The following LRFN4 variants were observed in gnomAD, a reference collection of about 807,000 sequenced individuals.
The protein encoded by LRFN4 is leucine-rich repeat and fibronectin type-III domain-containing protein 4.
In LRFN4, 10 loss-of-function variants were observed where a neutral mutation model predicts 29.0. The ratio of observed to expected loss-of-function variants is 0.35; its 90% CI spans 0.21 to 0.59. LRFN4 has a LOEUF of 0.59. Among genes scored for constraint, LRFN4 ranks in the 20% least tolerant of loss-of-function variants. The pLI is 0.82. For missense variants in LRFN4, 850 were observed against 907.9 expected (o/e 0.94, Z 0.82); for synonymous variants, 493 against 437.0 (o/e 1.13, Z -1.60).
chr11:66,858,678 A>C lies in LRFN4; in HGVS notation c.934A>C (p.Met312Leu), dbSNP rs1389420068. The C allele has an allele frequency of 1.3e-6, 2 of 1,546,542 alleles. No individual in the cohort carries two copies. Among genetic ancestry groups the C allele is most frequent in the African/African-American group, 2.7e-5 (2 of 73,208 alleles). Residue 312 changes from methionine to leucine, a missense_variant, in exon 1 of 2, where the codon ATG (methionine) becomes CTG (leucine). Physicochemically the swap from Met to Leu is conservative, Grantham distance 15. This residue lies in a region of LRFN4 where 744 missense variants were observed against 753.8 expected (regional missense o/e 0.99). Coordinates refer to ENST00000309602, the MANE Select transcript of LRFN4 (RefSeq NM_024036.5). This position sits in a 1 kb window ranked among gnomAD's most constrained non-coding sequence, Gnocchi z 5.9. ...CRALGDPAPT[M>L]HWVGPDDRLV... Reference sequence around the variant, plus strand: ...GGCCCTGGGTGACCCCGCGCCTACCATGCACTGGGTCGGTCCTGACGACCG... The same window carrying C: ...GGCCCTGGGTGACCCCGCGCCTACCCTGCACTGGGTCGGTCCTGACGACCG...
At chr11:66,859,418 C>T (rs776595587) in intron 1 of LRFN4, among the ~76,000 whole-genome samples, 2 of 152,200 alleles carry the variant, frequency 1.3e-5, no homozygotes, top group Non-Finnish European at 2.9e-5. Flanking sequence ...CTGCTGGTGC[C>T]ATCCCCCCAC....
rs751754935 is a variant in LRFN4, at chr11:66,859,024, G to C, written c.1280G>C (p.Arg427Pro). 1 of 1,510,410 alleles carries C rather than the reference G, an allele frequency of 6.6e-7. No homozygotes were observed. Among genetic ancestry groups the C allele is most frequent in the Non-Finnish European group, 8.9e-7 (1 of 1,129,584 alleles). 93.6% of individuals were successfully genotyped at this position (1,510,410 alleles called of 1,614,324 possible). A position where few individuals can be genotyped will look rare whatever the true frequency, so the allele number is the denominator to read the frequency against. Residue 427 changes from arginine to proline, a missense_variant, in exon 1 of 2, where the codon CGG becomes CCG. Arg to Pro is a moderately radical substitution (Grantham distance 103). Transcript: ENST00000309602. ...TSGLVSWGPG[R>P]PADPVWMFQI... The stretch of plus-strand genomic sequence containing the variant: ...GGGCTGGTGAGCTGGGGTCCCGGGC[G>C]GCCAGCCGACCCAGTGTGGATGTTC...
rs778985492 is a variant in LRFN4 at position 66,859,046 on chromosome 11, G to A, written c.1302G>A (p.Met434Ile). The change falls in exon 1 of 2, where the codon ATG becomes ATA. Residue 434 changes from methionine to isoleucine, a missense_variant. By Grantham distance (10) the Met-to-Ile change is conservative. This residue lies in a region of LRFN4 where 744 missense variants were observed against 753.8 expected (regional missense o/e 0.99). Coordinates refer to ENST00000309602, the MANE Select transcript of LRFN4 (RefSeq NM_024036.5). ...GGCGGCCAGCCGACCCAGTGTGGAT[G>A]TTCCAAATCCAGTACAACAGCAGCG... The part of the protein sequence containing the change: ...GPGRPADPVW[M>I]FQIQYNSSED... 1.3e-6 allele frequency: 2 copies of A among 1,505,890 alleles called. No homozygotes were observed. The highest frequency in any genetic ancestry group is 4.6e-5 in the Admixed American group (2 of 43,818). 93.3% of individuals were successfully genotyped at this position (1,505,890 alleles called of 1,614,324 possible). A position where few individuals can be genotyped will look rare whatever the true frequency, so the allele number is the denominator to read the frequency against.
Position 66,858,678 on chromosome 11 carries a change from A to G in LRFN4, c.934A>G (p.Met312Val). Reference protein sequence around the residue: ...CRALGDPAPTMHWVGPDDRLV... With the variant: ...CRALGDPAPTVHWVGPDDRLV... ...GGCCCTGGGTGACCCCGCGCCTACC[A>G]TGCACTGGGTCGGTCCTGACGACCG... is the stretch of plus-strand genomic sequence containing the variant. The change falls in exon 1 of 2, where the codon ATG becomes GTG. Residue 312 changes from methionine (M) to valine (V), a missense_variant. By Grantham distance (21) the Met-to-Val change is conservative. Coordinates refer to ENST00000309602, the MANE Select transcript of LRFN4 (RefSeq NM_024036.5). This position sits in a 1 kb window ranked among gnomAD's most constrained non-coding sequence, Gnocchi z 5.9. The G allele has an allele frequency of 6.5e-7, 1 of 1,546,660 alleles. No individual in the cohort carries two copies. The highest frequency in any genetic ancestry group is 1.4e-5 in the African/African-American group (1 of 73,330).
rs748957599 is a variant in LRFN4, at chr11:66,858,416, C to A, written c.672C>A (p.Pro224=). ...GTGGGCGTGATGCAGAGGCCTCTCC[C>A]GCCCCCCTGGTGCTGAGCTTTAGCG... The part of the protein sequence containing the change: ...FSRGRDAEAS[P]APLVLSFSGN... Residue 224 remains proline (P), a synonymous_variant, in exon 1 of 2, where the codon CCC becomes CCA. Coordinates refer to ENST00000309602, the MANE Select transcript of LRFN4 (RefSeq NM_024036.5). The surrounding 1 kb of genome is among the most constrained non-coding windows in gnomAD (Gnocchi z 5.9). 2 of 1,555,168 alleles carry A rather than the reference C, an allele frequency of 1.3e-6. No individual in the cohort carries two copies. Among genetic ancestry groups the A allele is most frequent in the South Asian group, 2.3e-5 (2 of 86,056 alleles).
In LRFN4 at chr11:66,858,767, CGGCGCTGGG is replaced by C. The variant is rs1565226134; in HGVS notation, c.1025_1033del (p.Gly342_Gly344del). ...ACGGGACCTTAGAGATTGGGGTGAC[CGGCGCTGGG>C]GACGCTGGGGGCTACACCTGCATCG... On this transcript the variant is annotated inframe_deletion, in exon 1 of 2. Coordinates refer to ENST00000309602, the MANE Select transcript of LRFN4 (RefSeq NM_024036.5). The surrounding 1 kb of genome is among the most constrained non-coding windows in gnomAD (Gnocchi z 5.9). 6.4e-7 allele frequency: 1 copy of C among 1,551,226 alleles called. No individual in the cohort carries two copies. Among genetic ancestry groups the C allele is most frequent in the East Asian group, 2.4e-5 (1 of 41,236 alleles).
At chr11:66,859,598 C>A in intron 1 of LRFN4, 39 bp from the exon 2 acceptor site, 3 of 1,610,694 alleles carry the variant, frequency 1.9e-6, no homozygotes, top group Non-Finnish European at 2.5e-6. Flanking sequence ...TGGGGCTAGA[C>A]CCCAGCCCCG....
Position 66,858,654 on chromosome 11 carries a change from G to T in LRFN4, c.910G>T (p.Ala304Ser). Residue 304 changes from alanine (A) to serine (S), a missense_variant, in exon 1 of 2, where the codon GCC becomes TCC. Around this residue, in one of 2 missense-constraint regions of LRFN4, gnomAD observed 744 missense variants for 753.8 expected, o/e 0.99. Transcript: ENST00000309602. The surrounding 1 kb of genome is among the most constrained non-coding windows in gnomAD (Gnocchi z 5.9). The stretch of plus-strand genomic sequence containing the variant: ...CCAGCGGGCCACGCTGCGGTGCCGG[G>T]CCCTGGGTGACCCCGCGCCTACCAT... ...EGQRATLRCR[A>S]LGDPAPTMHW... 1 of 1,542,240 alleles carries T rather than the reference G, an allele frequency of 6.5e-7. No homozygotes were observed.
Position 66,857,760 on chromosome 11 carries a change from C to G in LRFN4, c.16C>G (p.Leu6Val), listed in dbSNP as rs1162011527. 6.4e-7 allele frequency: 1 copy of G among 1,569,360 alleles called. No homozygotes were observed. Among genetic ancestry groups the G allele is most frequent in the Non-Finnish European group, 8.6e-7 (1 of 1,160,040 alleles). Residue 6 changes from leucine (L) to valine (V), a missense_variant, in exon 1 of 2, where the codon CTG becomes GTG. By Grantham distance (32) the Leu-to-Val change is conservative. Around this residue, in one of 2 missense-constraint regions of LRFN4, gnomAD observed 106 missense variants for 154.2 expected, o/e 0.69. Transcript: ENST00000309602. The surrounding 1 kb of genome is among the most constrained non-coding windows in gnomAD (Gnocchi z 7.1). ...GGCGCTCACCATGGCCCCGCCGCTC[C>G]TGCTGCTGCTGCTGGCCAGTGGAGC... MAPPL[L>V]LLLLASGAAA...
At position 66,858,174 on chromosome 11, in the gene LRFN4, C is replaced by G; in HGVS notation, c.430C>G (p.Leu144Val). ...CGCGCCGGGAGCCTTCGACGACTTC[C>G]TAGAGAGCCTGGAGGACCTGGACCT... ...RIAPGAFDDF[L>V]ESLEDLDLSY... Residue 144 changes from leucine to valine, a missense_variant, in exon 1 of 2, where the codon CTA (leucine) becomes GTA (valine). This residue lies in a region of LRFN4 where 744 missense variants were observed against 753.8 expected (regional missense o/e 0.99). Transcript: ENST00000309602. The surrounding 1 kb of genome is among the most constrained non-coding windows in gnomAD (Gnocchi z 5.9). 1 of 1,611,494 alleles carries G rather than the reference C, an allele frequency of 6.2e-7. No homozygotes were observed.
Position 66,860,312 on chromosome 11 carries a change from C to G in LRFN4, c.*117C>G, listed in dbSNP as rs1169840897. 1 of 1,414,196 alleles carries G rather than the reference C, an allele frequency of 7.1e-7. No homozygotes were observed. Among genetic ancestry groups the G allele is most frequent in the Non-Finnish European group, 9.7e-7 (1 of 1,035,428 alleles). 87.6% of individuals were successfully genotyped at this position (1,414,196 alleles called of 1,614,324 possible). A position where few individuals can be genotyped will look rare whatever the true frequency, so the allele number is the denominator to read the frequency against. On this transcript the variant is annotated 3_prime_UTR_variant, in exon 2 of 2. Coordinates refer to ENST00000309602, the MANE Select transcript of LRFN4 (RefSeq NM_024036.5). ...TTTTATTCTCAGTACCTCAGGCTCC[C>G]CTGTGTACTTGGAGGGGCAGGGAGC...
At position 66,858,161 on chromosome 11, in the gene LRFN4, C is replaced by T. The variant is rs1257610592; in HGVS notation, c.417C>T (p.Ala139=). ...AGCTGGGCCGCATCGCGCCGGGAGC[C>T]TTCGACGACTTCCTAGAGAGCCTGG... ...GNQLGRIAPG[A]FDDFLESLED... The change falls in exon 1 of 2, where the codon GCC becomes GCT. Residue 139 remains alanine, a synonymous_variant. Coordinates refer to ENST00000309602, the MANE Select transcript of LRFN4 (RefSeq NM_024036.5). The surrounding 1 kb of genome is among the most constrained non-coding windows in gnomAD (Gnocchi z 5.9). 6.2e-7 allele frequency: 1 copy of T among 1,610,860 alleles called. No homozygotes were observed. The highest frequency in any genetic ancestry group is 8.5e-7 in the Non-Finnish European group (1 of 1,178,872).
chr11:66,858,692 T>C lies in LRFN4; in HGVS notation c.948T>C (p.Gly316=). The C allele has an allele frequency of 6.5e-7, 1 of 1,548,934 alleles. No individual in the cohort carries two copies. The highest frequency in any genetic ancestry group is 8.7e-7 in the Non-Finnish European group (1 of 1,145,098). The change falls in exon 1 of 2, where the codon GGT becomes GGC. Residue 316 remains glycine, a synonymous_variant. Transcript: ENST00000309602. The surrounding 1 kb of genome is among the most constrained non-coding windows in gnomAD (Gnocchi z 5.9). Reference sequence around the variant, plus strand: ...CCGCGCCTACCATGCACTGGGTCGGTCCTGACGACCGGTTGGTTGGCAACT... The same window carrying C: ...CCGCGCCTACCATGCACTGGGTCGGCCCTGACGACCGGTTGGTTGGCAACT... The part of the protein sequence containing the change: ...GDPAPTMHWV[G]PDDRLVGNSS...
chr11:66,858,911 C>G lies in LRFN4; in HGVS notation c.1167C>G (p.Ile389Met). 2 of 1,565,436 alleles carry G rather than the reference C, an allele frequency of 1.3e-6. No individual in the cohort carries two copies. The highest frequency in any genetic ancestry group is 1.7e-6 in the Non-Finnish European group (2 of 1,153,988). ...AEGGRPGPSD[I>M]AASARTAAEG... ...GGGGCCGCCCCGGGCCCTCGGACAT[C>G]GCCGCCTCCGCTCGCACTGCTGCCG... The change falls in exon 1 of 2, where the codon ATC becomes ATG. Residue 389 changes from isoleucine (I) to methionine (M), a missense_variant. Ile to Met is a conservative substitution (Grantham distance 10). This residue lies in a region of LRFN4 where 744 missense variants were observed against 753.8 expected (regional missense o/e 0.99). Transcript: ENST00000309602. The surrounding 1 kb of genome is among the most constrained non-coding windows in gnomAD (Gnocchi z 5.9).
chr11:66,858,685 G>T lies in LRFN4; in HGVS notation c.941G>T (p.Trp314Leu). The change falls in exon 1 of 2, where the codon TGG (tryptophan) becomes TTG (leucine). Residue 314 changes from tryptophan (W) to leucine (L), a missense_variant. Trp to Leu is a moderately conservative substitution (Grantham distance 61). This residue lies in a region of LRFN4 where 744 missense variants were observed against 753.8 expected (regional missense o/e 0.99). Transcript: ENST00000309602. This position sits in a 1 kb window ranked among gnomAD's most constrained non-coding sequence, Gnocchi z 5.9. ...GGTGACCCCGCGCCTACCATGCACT[G>T]GGTCGGTCCTGACGACCGGTTGGTT... ...ALGDPAPTMH[W>L]VGPDDRLVGN... 6.5e-7 allele frequency: 1 copy of T among 1,546,928 alleles called. No homozygotes were observed.
Position 66,857,921 on chromosome 11 carries a change from C to T in LRFN4, c.177C>T (p.Phe59=), listed in dbSNP as rs915620050. ...TGGAGCTGCGGCTGGCTGACAACTT[C>T]ATCCAGGCCCTGGGGCCCCCTGACT... ...RTVELRLADN[F]IQALGPPDFR... Residue 59 remains phenylalanine, a synonymous_variant, in exon 1 of 2, where the codon TTC becomes TTT. Transcript: ENST00000309602. The surrounding 1 kb of genome is among the most constrained non-coding windows in gnomAD (Gnocchi z 7.1). 1.9e-6 allele frequency: 3 copies of T among 1,612,358 alleles called. No individual in the cohort carries two copies. Among genetic ancestry groups the T allele is most frequent in the Non-Finnish European group, 2.5e-6 (3 of 1,179,920 alleles).
rs550930114 is a variant in LRFN4, at chr11:66,858,395, G to A, written c.651G>A (p.Gly217=). The A allele has an allele frequency of 6.4e-7, 1 of 1,563,388 alleles. No homozygotes were observed. Among genetic ancestry groups the A allele is most frequent in the African/African-American group, 1.4e-5 (1 of 74,034 alleles). ...TLAPDPLFSR[G]RDAEASPAPL... is the part of the protein sequence containing the mutation. The stretch of plus-strand genomic sequence containing the variant: ...CTCCGGACCCGCTTTTCTCTCGTGG[G>A]CGTGATGCAGAGGCCTCTCCCGCCC... The change falls in exon 1 of 2, where the codon GGG becomes GGA. Residue 217 remains glycine (G), a synonymous_variant. Coordinates refer to ENST00000309602, the MANE Select transcript of LRFN4 (RefSeq NM_024036.5). The surrounding 1 kb of genome is among the most constrained non-coding windows in gnomAD (Gnocchi z 5.9).
In LRFN4 at chr11:66,858,639, A is replaced by G. The variant is rs1313380122; in HGVS notation, c.895A>G (p.Thr299Ala). The stretch of plus-strand genomic sequence containing the variant: ...CTGGGTGCTGGAAGGCCAGCGGGCC[A>G]CGCTGCGGTGCCGGGCCCTGGGTGA... ...RLWVLEGQRA[T>A]LRCRALGDPA... The change falls in exon 1 of 2, where the codon ACG (threonine) becomes GCG (alanine). Residue 299 changes from threonine (T) to alanine (A), a missense_variant. Around this residue, in one of 2 missense-constraint regions of LRFN4, gnomAD observed 744 missense variants for 753.8 expected, o/e 0.99. Transcript: ENST00000309602. The surrounding 1 kb of genome is among the most constrained non-coding windows in gnomAD (Gnocchi z 5.9). The G allele has an allele frequency of 2.6e-6, 4 of 1,538,818 alleles. No individual in the cohort carries two copies. The highest frequency in any genetic ancestry group is 4.9e-5 in the East Asian group (2 of 40,842).
At position 66,858,610 on chromosome 11, in the gene LRFN4, G is replaced by A. The variant is rs1192454666; in HGVS notation, c.866G>A (p.Arg289His). The change falls in exon 1 of 2, where the codon CGC (arginine) becomes CAC (histidine). Residue 289 changes from arginine (R) to histidine (H), a missense_variant. Around this residue, in one of 2 missense-constraint regions of LRFN4, gnomAD observed 744 missense variants for 753.8 expected, o/e 0.99. Coordinates refer to ENST00000309602, the MANE Select transcript of LRFN4 (RefSeq NM_024036.5). This position sits in a 1 kb window ranked among gnomAD's most constrained non-coding sequence, Gnocchi z 5.9. Reference protein sequence around the residue: ...EPPLIARHTQRLWVLEGQRAT... With the variant: ...EPPLIARHTQHLWVLEGQRAT... ...CCCCTCATTGCCCGCCACACGCAGC[G>A]CCTCTGGGTGCTGGAAGGCCAGCGG... is the stretch of plus-strand genomic sequence containing the variant. 20 of 1,535,276 alleles carry A rather than the reference G, an allele frequency of 1.3e-5. No homozygotes were observed. Among genetic ancestry groups the A allele is most frequent in the Non-Finnish European group, 1.7e-5 (19 of 1,143,918 alleles).
Sources: gnomAD v4.1 joint callset for allele counts (sites outside exome capture counted in the v4.1 genomes callset) on GRCh38, gnomAD v4.1.1 for gene constraint, gnomAD v4.1.1 regional missense constraint, Gnocchi (gnomAD v3.1) non-coding constraint, MANE v1.5 for transcripts, NCBI Gene and HGNC (gene_info 2026-07-23, HGNC 2026-07-21) for gene names.